Variants in STARD7 observed in about 807,000 individuals in gnomAD.
STARD7 encodes the protein stAR-related lipid transfer protein 7, mitochondrial.
A neutral mutation model predicts 45.3 loss-of-function variants in STARD7; 30 were observed. The observed-to-expected ratio is 0.66, with a 90% CI of 0.50 to 0.90. STARD7 has a LOEUF of 0.90. Ranked by LOEUF, STARD7 falls within the 40% of genes least tolerant of loss-of-function variation. The probability of loss-of-function intolerance (pLI) is 0.00; values close to 1 mark genes in which losing one functional copy is unlikely to be tolerated. For missense variants in STARD7, 495 were observed against 491.3 expected (o/e 1.01, Z -0.07); for synonymous variants, 199 against 183.0 (o/e 1.09, Z -0.70).
At chr2:96,200,334 C>T (rs113070496) in intron 1 of STARD7, among the ~76,000 whole-genome samples, 2,467 of 152,216 alleles carry the variant, frequency 0.016, 66 homozygotes, top group African/African-American at 0.056. Flanking sequence ...TAGCCTGGGC[C>T]TCCCAAAGTG....
chr2:96,200,427 A>G (rs1380835394), intron 1 of STARD7, among the ~76,000 whole-genome samples: 1 of 152,162 alleles, frequency 6.6e-6, no homozygotes, highest in African/African-American at 2.4e-5. Context: ...ATGTATCACT[A>G]TGTATCATTC....
At chr2:96,206,692 T>C (rs1683396143) in intron 1 of STARD7, among the ~76,000 whole-genome samples, 1 of 150,202 alleles carries the variant, frequency 6.7e-6, no homozygotes, top group Non-Finnish European at 1.5e-5. Flanking sequence ...TCCCAGCTAC[T>C]CGGGAGGCTG....
At chr2:96,200,810 C>T (rs1346093344) in intron 1 of STARD7, among the ~76,000 whole-genome samples, 1 of 152,070 alleles carries the variant, frequency 6.6e-6, no homozygotes, top group Non-Finnish European at 1.5e-5. Context: ...GCTACCATAC[C>T]CAGCTTCTCC....
intron 1 of STARD7, among the ~76,000 whole-genome samples, chr2:96,206,087 A>G (rs1189436279): frequency 6.6e-6 from 1 of 152,140 alleles, no homozygotes; most frequent in Admixed American, 6.5e-5. Context: ...AATTGCCTCC[A>G]GGTTTCAGGG....
intron 1 of STARD7, among the ~76,000 whole-genome samples, chr2:96,200,789 A>C (rs1254409000): frequency 6.6e-6 from 1 of 152,136 alleles, no homozygotes; most frequent in Non-Finnish European, 1.5e-5. Context: ...TAGCTGGCAC[A>C]ATAGGCGTGT....
chr2:96,189,014 A>G (rs890310858), intron 6 of STARD7, among the ~76,000 whole-genome samples: 4 of 152,068 alleles, frequency 2.6e-5, no homozygotes, highest in East Asian at 3.9e-4. Context: ...CAGTGATGCA[A>G]TCTCGACTCA....
intron 6 of STARD7, among the ~76,000 whole-genome samples, chr2:96,188,635 G>A (rs1683075168): frequency 6.6e-6 from 1 of 151,738 alleles, no homozygotes; most frequent in Non-Finnish European, 1.5e-5. Flanking sequence ...TGTAATCTCA[G>A]CACTTTGGGA....
Position 96,193,349 on chromosome 2 carries a change from C to T in STARD7, c.553G>A (p.Asp185Asn). The part of the protein sequence containing the change: ...TPRQFFNVQL[D>N]TEYRKKWDAL... ...TCCCATTTTTTTCTATACTCTGTGT[C>T]CAGCTGCAGAAAGAGAAAAGACCAT... is the stretch of plus-strand genomic sequence containing the variant. Residue 185 changes from aspartate (D) to asparagine (N), a missense_variant, in exon 4 of 8, where the codon GAC (aspartate) becomes AAC (asparagine). Coordinates refer to ENST00000337288, the MANE Select transcript of STARD7 (RefSeq NM_020151.4). The T allele has an allele frequency of 2.5e-6, 4 of 1,605,288 alleles. No homozygotes were observed. Among genetic ancestry groups the T allele is most frequent in the Non-Finnish European group, 3.4e-6 (4 of 1,172,092 alleles).
intron 1 of STARD7, among the ~76,000 whole-genome samples, chr2:96,206,658 G>T (rs368714377): frequency 6.6e-6 from 1 of 151,504 alleles, no homozygotes; most frequent in Non-Finnish European, 1.5e-5. Flanking sequence ...AAAATTAGCC[G>T]GGCGTGGTGG....
At chr2:96,190,291 A>G (rs993157194) in intron 6 of STARD7, among the ~76,000 whole-genome samples, 4 of 152,156 alleles carry the variant, frequency 2.6e-5, no homozygotes, top group African/African-American at 9.7e-5. Context: ...TTGAGCATCA[A>G]TAAGGATAAT....
intron 1 of STARD7, among the ~76,000 whole-genome samples, chr2:96,195,880 A>G (rs1260702386): frequency 1.3e-5 from 2 of 152,090 alleles, no homozygotes. Context: ...ACTGGGAGGC[A>G]GAAGAGGGTG....
intron 6 of STARD7, among the ~76,000 whole-genome samples, chr2:96,189,425 C>T (rs1683089990): frequency 6.6e-6 from 1 of 152,132 alleles, no homozygotes; most frequent in Non-Finnish European, 1.5e-5. Context: ...TAGCTGGGGG[C>T]TGGGCACGGT....
rs764413266 is a variant in STARD7, at chr2:96,187,210, T to C, written c.928+7A>G. 1.2e-6 allele frequency: 2 copies of C among 1,608,572 alleles called. No homozygotes were observed. The highest frequency in any genetic ancestry group is 2.7e-5 in the African/African-American group (2 of 74,764). ...GTTCCAGGCCCTGTATACTTGCCCT[T>C]ACTTACCACTGGAAACCATCCAACT... On this transcript the variant is annotated splice_region_variant and intron_variant, in intron 7 of 7. Coordinates refer to ENST00000337288, the MANE Select transcript of STARD7 (RefSeq NM_020151.4).
In STARD7 at chr2:96,197,939, G is replaced by A. The variant is rs12613263; in HGVS notation, c.291-2390C>T. The stretch of plus-strand genomic sequence containing the variant: ...TAATATTCCATTGTATGGATAGATC[G>A]CATTTTGTTTATCCATTCATCAAAT... On this transcript the variant is annotated intron_variant, in intron 1 of 7. Coordinates refer to ENST00000337288, the MANE Select transcript of STARD7 (RefSeq NM_020151.4). Among the ~76,000 whole-genome samples, 14 of 151,996 alleles carry A rather than the reference G, an allele frequency of 9.2e-5. No individual in the cohort carries two copies. The South Asian group carries it at 2.7e-3, about 29-fold the overall frequency.
rs754963142 is a variant in STARD7 at position 96,192,361 on chromosome 2, A to G, written c.843+8T>C. On this transcript the variant is annotated splice_region_variant and intron_variant, in intron 6 of 7. Coordinates refer to ENST00000337288, the MANE Select transcript of STARD7 (RefSeq NM_020151.4). ...GACATGTTATCTCTTGGATGAGGTA[A>G]AACTCACCTCATCAAATGACTTGTG... 1.9e-6 allele frequency: 3 copies of G among 1,605,840 alleles called. No homozygotes were observed.
intron 6 of STARD7, among the ~76,000 whole-genome samples, chr2:96,190,156 A>G (rs1346018947): frequency 6.6e-6 from 1 of 152,162 alleles, no homozygotes; most frequent in East Asian, 1.9e-4. Flanking sequence ...CCAGGTGTAA[A>G]ACTAAAAATA....
At chr2:96,201,228 A>G (rs953769237) in intron 1 of STARD7, among the ~76,000 whole-genome samples, 2 of 152,132 alleles carry the variant, frequency 1.3e-5, no homozygotes, top group Non-Finnish European at 2.9e-5. Flanking sequence ...AATTTAGTAA[A>G]TCAAGAAATA....
At chr2:96,197,086 T>TAAAA (rs1292015175) in intron 1 of STARD7, among the ~76,000 whole-genome samples, 1 of 125,272 alleles carries the variant, frequency 8.0e-6, no homozygotes, top group Non-Finnish European at 1.7e-5. Context: ...TAAAATAAAA[T>TAAAA]AAAATAAAAT....
At position 96,195,806 on chromosome 2, in the gene STARD7, G is replaced by C. The variant is rs56868946; in HGVS notation, c.291-257C>G. Among the ~76,000 whole-genome samples the C allele has an allele frequency of 4.2e-3, 635 of 152,182 alleles. 5 individuals are homozygous for C. The highest frequency in any genetic ancestry group is 0.015 in the African/African-American group (609 of 41,540). Reference sequence around the variant, plus strand: ...TAATAATAGTACCTATCTCGAGGTTGGCTATAAAGATTACAAAGTGTCAAG... The same window carrying C: ...TAATAATAGTACCTATCTCGAGGTTCGCTATAAAGATTACAAAGTGTCAAG... On this transcript the variant is annotated intron_variant, in intron 1 of 7. Transcript: ENST00000337288.
Sources: allele counts gnomAD v4.1 joint callset (sites outside exome capture counted in the v4.1 genomes callset), GRCh38; gene constraint gnomAD v4.1.1; transcripts MANE v1.5; gene names NCBI Gene and HGNC (gene_info 2026-07-23, HGNC 2026-07-21).